Variants in INTS4 observed in about 807,000 individuals in gnomAD.
The protein encoded by INTS4 is MSTP093.
INTS4 carries 70 observed loss-of-function variants against 119.5 expected under a neutral mutation model. The ratio of observed to expected loss-of-function variants is 0.59; its 90% CI spans 0.48 to 0.71. The LOEUF is 0.71. Among genes scored for constraint, INTS4 ranks in the 30% least tolerant of loss-of-function variants. The probability of loss-of-function intolerance (pLI) is 0.00; values close to 1 mark genes in which losing one functional copy is unlikely to be tolerated. For synonymous variants in INTS4, 316 were observed against 419.6 expected (o/e 0.75, Z 3.02); for missense variants, 867 against 1,173.2 (o/e 0.74, Z 3.81).
At chr11:77,885,974 G>A (rs1565222715) in intron 21 of INTS4, among the ~76,000 whole-genome samples, 1 of 152,164 alleles carries the variant, frequency 6.6e-6, no homozygotes, top group Non-Finnish European at 1.5e-5. Context: ...GCTGAGGCGG[G>A]AGGATTGCTT....
At chr11:77,934,050 A>AT (rs1246509905) in intron 10 of INTS4, among the ~76,000 whole-genome samples, 7 of 216 alleles carry the variant, frequency 0.032, no homozygotes, top group Non-Finnish European at 0.06. Flanking sequence ...TGTACTAAGA[A>AT]AAATCTTCTG....
intron 1 of INTS4, among the ~76,000 whole-genome samples, chr11:77,991,560 T>TC (rs1361222113): frequency 6.6e-6 from 1 of 152,044 alleles, no homozygotes; most frequent in African/African-American, 2.4e-5. Context: ...AGGTATACTT[T>TC]TTTTTTTTCT....
intron 10 of INTS4, among the ~76,000 whole-genome samples, chr11:77,929,096 C>G (rs1458556193): frequency 6.6e-6 from 1 of 152,042 alleles, no homozygotes; most frequent in East Asian, 1.9e-4. Context: ...ACCAAAGTCC[C>G]AGCTACTCAG....
chr11:77,911,246 G>T, intron 15 of INTS4: 1 of 863,374 alleles, frequency 1.2e-6, no homozygotes, highest in Non-Finnish European at 1.5e-6. Context: ...TGCTTGAACT[G>T]GTCCTGGAGG....
At chr11:77,982,106 TC>T (rs1379352042) in intron 2 of INTS4, among the ~76,000 whole-genome samples, 1 of 151,518 alleles carries the variant, frequency 6.6e-6, no homozygotes, top group Non-Finnish European at 1.5e-5. Context: ...ACCACTGCTA[TC>T]ACCAGAAAGA....
At chr11:77,963,589 T>C (rs1855350972) in intron 4 of INTS4, 3 of 328,880 alleles carry the variant, frequency 9.1e-6, no homozygotes, top group Admixed American at 4.7e-5. Flanking sequence ...TTTTGCTATA[T>C]ATTAAAAAAA....
intron 21 of INTS4, among the ~76,000 whole-genome samples, chr11:77,885,992 G>A (rs981881363): frequency 6.6e-6 from 1 of 151,994 alleles, no homozygotes; most frequent in African/African-American, 2.4e-5. Flanking sequence ...CTTGAAGACA[G>A]GAGTTTAAGA....
At chr11:77,907,924 T>C in intron 15 of INTS4, 114 bp from the exon 16 acceptor site, 1 of 650,968 alleles carries the variant, frequency 1.5e-6, no homozygotes, top group Non-Finnish European at 2.6e-6. Context: ...CATACATTTT[T>C]AAATGACGAC....
intron 8 of INTS4, among the ~76,000 whole-genome samples, chr11:77,941,757 C>A (rs1490091100): frequency 2.6e-5 from 4 of 152,142 alleles, no homozygotes; most frequent in African/African-American, 4.8e-5. Flanking sequence ...CTGCCTACCT[C>A]GGCCTCCCAA....
At chr11:77,956,386 G>A (rs1954321415) in intron 7 of INTS4, among the ~76,000 whole-genome samples, 2 of 152,146 alleles carry the variant, frequency 1.3e-5, no homozygotes, top group Non-Finnish European at 2.9e-5. Context: ...ACTCCAGCCT[G>A]GATGACACAG....
chr11:77,963,366 A>AAAAAAAAAC (rs1565276423), intron 4 of INTS4: 20 of 391,340 alleles, frequency 5.1e-5, no homozygotes, highest in African/African-American at 2.5e-4. Flanking sequence ...AAAAAAAAAA[A>AAAAAAAAAC]AAAAAAAACA....
chr11:77,943,359 G>A (rs902540005), intron 8 of INTS4, among the ~76,000 whole-genome samples: 1 of 152,166 alleles, frequency 6.6e-6, no homozygotes, highest in African/African-American at 2.4e-5. Context: ...GAAAAATGGT[G>A]AGATGTCTAT....
chr11:77,880,952 C>CA (rs986612077), intron 22 of INTS4, among the ~76,000 whole-genome samples: 113 of 151,854 alleles, frequency 7.4e-4, no homozygotes, highest in African/African-American at 2.6e-3. Flanking sequence ...AACAAAAAAA[C>CA]AAAAAAACAA....
intron 2 of INTS4, among the ~76,000 whole-genome samples, chr11:77,984,346 T>C (rs1185762623): frequency 6.6e-6 from 1 of 151,788 alleles, no homozygotes; most frequent in Non-Finnish European, 1.5e-5. Flanking sequence ...ATACAAAAAT[T>C]AGGCAGGCAT....
At position 77,921,428 on chromosome 11, in the gene INTS4, G is replaced by T; in HGVS notation, c.1676C>A (p.Pro559Gln). The change falls in exon 14 of 23, where the codon CCA becomes CAA. Residue 559 changes from proline (P) to glutamine (Q), a missense_variant. Coordinates refer to ENST00000534064, the MANE Select transcript of INTS4 (RefSeq NM_033547.4). ...VLIFNAAKTC[P>Q]TMPALFSDHT... The stretch of plus-strand genomic sequence containing the variant: ...ATCTGAGAACAATGCTGGCATTGTT[G>T]GACAGGTTTTAGCAGCATTGAAAAT... 1.2e-6 allele frequency: 2 copies of T among 1,603,932 alleles called. No individual in the cohort carries two copies. Among genetic ancestry groups the T allele is most frequent in the Non-Finnish European group, 1.7e-6 (2 of 1,170,812 alleles).
At chr11:77,924,072 T>C (rs971430578) in intron 12 of INTS4, among the ~76,000 whole-genome samples, 1 of 149,748 alleles carries the variant, frequency 6.7e-6, no homozygotes, top group African/African-American at 2.4e-5. Flanking sequence ...GCCAATTTAG[T>C]GCACCTTCTA....
intron 1 of INTS4, among the ~76,000 whole-genome samples, chr11:77,994,079 G>A (rs1856802388): frequency 6.6e-6 from 1 of 151,968 alleles, no homozygotes; most frequent in Admixed American, 6.6e-5. Flanking sequence ...TGAAGTCTGT[G>A]ACCCCCGCCT....
chr11:77,891,517 A>G (rs1236115286), intron 20 of INTS4, 55 bp from the exon 21 acceptor site: 41 of 1,602,996 alleles, frequency 2.6e-5, no homozygotes, highest in Admixed American at 6.8e-5. Flanking sequence ...CCTGGATGAG[A>G]AAACGCATCT....
intron 2 of INTS4, among the ~76,000 whole-genome samples, chr11:77,984,740 G>A (rs887955899): frequency 5.3e-5 from 8 of 151,914 alleles, no homozygotes; most frequent in Admixed American, 2.6e-4. Flanking sequence ...GCCAGGCATG[G>A]TGGCACATGC....
Sources: allele counts gnomAD v4.1 joint callset (sites outside exome capture counted in the v4.1 genomes callset), GRCh38; gene constraint gnomAD v4.1.1; transcripts MANE v1.5; gene names NCBI Gene and HGNC (gene_info 2026-07-23, HGNC 2026-07-21).